The following ITGBL1 variants were observed in gnomAD, a reference collection of about 807,000 sequenced individuals.
The protein encoded by ITGBL1 is integrin beta-like protein 1.
ITGBL1 carries 51 observed loss-of-function variants against 68.5 expected under a neutral mutation model. The observed-to-expected ratio is 0.74, with a 90% CI of 0.59 to 0.94. The LOEUF (loss-of-function observed/expected upper bound fraction) is 0.94, where lower values mean the gene tolerates loss of function less well. Ranked by LOEUF, ITGBL1 falls within the 40% of genes least tolerant of loss-of-function variation. The pLI is 0.00. For synonymous variants in ITGBL1, 209 were observed against 227.3 expected (o/e 0.92, Z 0.72); for missense variants, 649 against 647.4 (o/e 1.00, Z -0.03).
At chr13:101,651,911 C>T (rs549383509) in intron 7 of ITGBL1, among the ~76,000 whole-genome samples, 27 of 152,092 alleles carry the variant, frequency 1.8e-4, no homozygotes, top group African/African-American at 5.3e-4. Flanking sequence ...CTCCCAGCAC[C>T]ACTCATTAAG....
chr13:101,538,000 T>C (rs952115402), intron 2 of ITGBL1, among the ~76,000 whole-genome samples: 1 of 152,238 alleles, frequency 6.6e-6, no homozygotes, highest in South Asian at 2.1e-4. Context: ...AATTAAAGCT[T>C]ATTAATAATG....
chr13:101,607,395 T>C (rs1412103630), intron 7 of ITGBL1, among the ~76,000 whole-genome samples: 2 of 152,066 alleles, frequency 1.3e-5, no homozygotes, highest in Non-Finnish European at 2.9e-5. Flanking sequence ...ATATTAAACA[T>C]ATTTCCTGTT....
intron 2 of ITGBL1, among the ~76,000 whole-genome samples, chr13:101,459,913 G>T (rs766955164): frequency 1.3e-5 from 2 of 151,652 alleles, no homozygotes; most frequent in East Asian, 3.9e-4. Context: ...TTTATACTAC[G>T]AAGTAAGTAG....
At chr13:101,465,665 A>G (rs1385804933) in intron 2 of ITGBL1, among the ~76,000 whole-genome samples, 3 of 152,160 alleles carry the variant, frequency 2.0e-5, no homozygotes, top group East Asian at 1.9e-4. Flanking sequence ...CCTATTATCT[A>G]CTTTTCCACT....
At chr13:101,594,291 A>G (rs1307680747) in intron 6 of ITGBL1, among the ~76,000 whole-genome samples, 1 of 152,184 alleles carries the variant, frequency 6.6e-6, no homozygotes, top group Non-Finnish European at 1.5e-5. Context: ...ATTTATAGCC[A>G]ATTGACTTTA....
At chr13:101,542,573 T>C (rs533568616) in intron 2 of ITGBL1, among the ~76,000 whole-genome samples, 96 of 152,286 alleles carry the variant, frequency 6.3e-4, no homozygotes, top group African/African-American at 2.2e-3. Flanking sequence ...CTATTAGGTC[T>C]GTTTGATGCA....
intron 7 of ITGBL1, among the ~76,000 whole-genome samples, chr13:101,619,625 T>C (rs1179448895): frequency 6.6e-6 from 1 of 152,194 alleles, no homozygotes. Context: ...TTTTTAGGCA[T>C]AAAGTTTGTG....
intron 2 of ITGBL1, among the ~76,000 whole-genome samples, chr13:101,499,334 A>T (rs545389254): frequency 1.3e-5 from 2 of 152,300 alleles, no homozygotes; most frequent in African/African-American, 4.8e-5. Flanking sequence ...CTTTTCTTTA[A>T]TTCTGTCAAC....
At chr13:101,633,685 G>T (rs967335518) in intron 7 of ITGBL1, among the ~76,000 whole-genome samples, 2 of 152,148 alleles carry the variant, frequency 1.3e-5, no homozygotes, top group African/African-American at 4.8e-5. Context: ...AGAAAAATAC[G>T]TGAAGAGTTG....
intron 7 of ITGBL1, among the ~76,000 whole-genome samples, chr13:101,685,590 C>T (rs914740880): frequency 3.3e-5 from 5 of 151,996 alleles, no homozygotes; most frequent in African/African-American, 9.7e-5. Context: ...TCCCTGTTAA[C>T]CATAATGTTG....
intron 5 of ITGBL1, among the ~76,000 whole-genome samples, chr13:101,580,426 T>C (rs1029006502): frequency 1.8e-5 from 2 of 108,196 alleles, no homozygotes; most frequent in African/African-American, 6.6e-5. Context: ...CTAATTTACC[T>C]TATGGTTTCT....
chr13:101,647,075 A>G (rs1448970144), intron 7 of ITGBL1, among the ~76,000 whole-genome samples: 4 of 152,082 alleles, frequency 2.6e-5, no homozygotes, highest in African/African-American at 7.2e-5. Flanking sequence ...GTGAATCTAT[A>G]TTTGTTCAGT....
At chr13:101,546,510 G>C (rs1254774879) in intron 2 of ITGBL1, among the ~76,000 whole-genome samples, 3 of 152,058 alleles carry the variant, frequency 2.0e-5, no homozygotes, top group Admixed American at 6.6e-5. Flanking sequence ...AAACAAAAAT[G>C]ATAGAAATAA....
chr13:101,648,843 G>A (rs1456173870), intron 7 of ITGBL1, among the ~76,000 whole-genome samples: 2 of 151,878 alleles, frequency 1.3e-5, no homozygotes, highest in African/African-American at 2.4e-5. Flanking sequence ...GGACAGAAGA[G>A]GAAATCTGGG....
chr13:101,690,491 T>C (rs1428182780), intron 7 of ITGBL1, among the ~76,000 whole-genome samples: 2 of 152,180 alleles, frequency 1.3e-5, no homozygotes, highest in Non-Finnish European at 2.9e-5. Flanking sequence ...ATGCAACTGA[T>C]GATCATGGCT....
Position 101,575,424 on chromosome 13 carries a change from G to GT in ITGBL1, c.465dup (p.Thr156TyrfsTer8), listed in dbSNP as rs1413505299. ...AGTCTTTTTTGTTTTCATGGTTTAGGTACATGTCACTGTGGCAGGTGTAAG... is the reference window on the plus strand; with the variant it reads ...AGTCTTTTTTGTTTTCATGGTTTAGGTTACATGTCACTGTGGCAGGTGTAAG... On this transcript the variant is annotated frameshift_variant and splice_region_variant, in exon 4 of 11. Transcript: ENST00000376180. LOFTEE classifies it high-confidence loss of function. 6.2e-7 allele frequency: 1 copy of GT among 1,612,530 alleles called. No individual in the cohort carries two copies. Among genetic ancestry groups the GT allele is most frequent in the Non-Finnish European group, 8.5e-7 (1 of 1,178,956 alleles).
chr13:101,607,081 A>G (rs865930361), intron 7 of ITGBL1, among the ~76,000 whole-genome samples: 16 of 152,086 alleles, frequency 1.1e-4, no homozygotes, highest in African/African-American at 3.4e-4. Flanking sequence ...AACCATGCAT[A>G]TATTTTATAA....
chr13:101,516,286 C>T (rs2049194059), intron 2 of ITGBL1, among the ~76,000 whole-genome samples: 1 of 152,072 alleles, frequency 6.6e-6, no homozygotes, highest in Non-Finnish European at 1.5e-5. Flanking sequence ...TTTCATGAGA[C>T]AATTGTGATT....
chr13:101,575,704 A>G (rs1294139498), intron 4 of ITGBL1, among the ~76,000 whole-genome samples, 158 bp downstream of exon 4: 1 of 152,174 alleles, frequency 6.6e-6, no homozygotes, highest in East Asian at 1.9e-4. Flanking sequence ...GAGTGAGACT[A>G]TGGCATTAAG....
Sources: allele counts gnomAD v4.1 joint callset (sites outside exome capture counted in the v4.1 genomes callset), GRCh38; gene constraint gnomAD v4.1.1; transcripts MANE v1.5; gene names NCBI Gene and HGNC (gene_info 2026-07-23, HGNC 2026-07-21).